PAGE2B: variants seen among roughly 807,000 people sequenced by gnomAD.
The protein encoded by PAGE2B is PAGE family member 2B.
In PAGE2B, 5 loss-of-function variants were observed where a neutral mutation model predicts 7.6. The ratio of observed to expected loss-of-function variants is 0.66; its 90% confidence interval spans 0.34 to 1.38. PAGE2B has a LOEUF of 1.38. Ranked by LOEUF, PAGE2B falls within the 40% of genes most tolerant of loss-of-function variation. The pLI is 0.04. For missense variants in PAGE2B, 70 were observed against 78.4 expected, an observed-to-expected ratio of 0.89 and a Z score of 0.41; for synonymous variants, 29 against 26.7, an observed-to-expected ratio of 1.09 and a Z score of -0.27.
chrX:55,046,861 T>C, the PAGE2B span, among the ~76,000 whole-genome samples: 3 of 112,085 alleles, frequency 2.7e-5, no homozygotes, highest in East Asian at 2.8e-4. Flanking sequence ...ATAAAGAGAA[T>C]TGAAATTAAA....
At chrX:55,029,006 G>A in the PAGE2B span, among the ~76,000 whole-genome samples, 8 of 112,010 alleles carry the variant, frequency 7.1e-5, no homozygotes, top group Non-Finnish European at 5.6e-5. Flanking sequence ...ATGTTGTGAA[G>A]ATTCAGTAAG....
At chrX:55,042,381 A>G in the PAGE2B span, among the ~76,000 whole-genome samples, 2 of 111,214 alleles carry the variant, frequency 1.8e-5, no homozygotes, top group Non-Finnish European at 3.8e-5. Context: ...AAGGAAAACT[A>G]TAAAACACTG....
the PAGE2B span, among the ~76,000 whole-genome samples, chrX:55,050,638 T>A: frequency 9.1e-6 from 1 of 110,230 alleles, no homozygotes; most frequent in African/African-American, 3.3e-5. Flanking sequence ...AACCCCTGCC[T>A]TTTTTTGTTT....
the PAGE2B span, among the ~76,000 whole-genome samples, chrX:55,030,779 GAA>G: frequency 1.4e-4 from 16 of 111,231 alleles, no homozygotes; most frequent in Non-Finnish European, 2.5e-4. Context: ...AGGAAAGACA[GAA>G]AGAGACATGG....
At chrX:55,034,906 A>G in the PAGE2B span, among the ~76,000 whole-genome samples, 1 of 110,621 alleles carries the variant, frequency 9.0e-6, no homozygotes, top group Non-Finnish European at 1.9e-5. Flanking sequence ...CAACGAAGCC[A>G]GTCTGAGTCC....
At chrX:55,043,599 T>A in the PAGE2B span, among the ~76,000 whole-genome samples, 3 of 111,329 alleles carry the variant, frequency 2.7e-5, no homozygotes, top group East Asian at 8.4e-4. Flanking sequence ...CATCACTAAT[T>A]ATCAGATAAA....
chrX:55,047,627 G>A, the PAGE2B span, among the ~76,000 whole-genome samples: 12 of 111,755 alleles, frequency 1.1e-4, no homozygotes, highest in African/African-American at 2.9e-4. Flanking sequence ...GTGTGAGATG[G>A]TATCTCATTG....
chrX:55,042,867 A>C, the PAGE2B span, among the ~76,000 whole-genome samples: 3 of 109,445 alleles, frequency 2.7e-5, no homozygotes, highest in Admixed American at 9.9e-5. Context: ...CATATGGAAC[A>C]AAAAGGAGTC....
At chrX:55,036,112 T>G in the PAGE2B span, among the ~76,000 whole-genome samples, 54 of 112,086 alleles carry the variant, frequency 4.8e-4, no homozygotes, top group East Asian at 1.9e-3. Flanking sequence ...GTCTGTTATT[T>G]GTGTATAAGA....
the PAGE2B span, among the ~76,000 whole-genome samples, chrX:55,046,517 A>G: frequency 1.8e-5 from 2 of 112,127 alleles, no homozygotes; most frequent in African/African-American, 6.5e-5. Context: ...GGGAAAAAAG[A>G]GAGGGATTGG....
the PAGE2B span, among the ~76,000 whole-genome samples, chrX:55,065,361 A>G: frequency 9.0e-6 from 1 of 111,432 alleles, no homozygotes; most frequent in East Asian, 2.8e-4. Context: ...TGATATTAAG[A>G]TAGCTACTCC....
chrX:55,039,829 G>A, the PAGE2B span, among the ~76,000 whole-genome samples: 2 of 112,061 alleles, frequency 1.8e-5, no homozygotes, highest in South Asian at 3.7e-4. Context: ...TCAGCCCGGG[G>A]CTGGCCCATG....
chrX:55,077,634 G>T (rs1403052822), intron 4 of PAGE2B, 110 bp downstream of exon 4: 1 of 1,155,684 alleles, frequency 8.7e-7, no homozygotes, highest in African/African-American at 1.8e-5. Flanking sequence ...ACGTCTGAAG[G>T]TTCTTTGAAT....
At chrX:55,040,082 G>T in the PAGE2B span, among the ~76,000 whole-genome samples, 1 of 108,810 alleles carries the variant, frequency 9.2e-6, no homozygotes, top group African/African-American at 3.4e-5. Context: ...ACCAGAGGCG[G>T]ATTTTAATCT....
chrX:55,051,477 G>A, the PAGE2B span, among the ~76,000 whole-genome samples: 1 of 111,786 alleles, frequency 8.9e-6, no homozygotes, highest in Non-Finnish European at 1.9e-5. Context: ...TTTTCACATA[G>A]TCCCATATTT....
Position 55,075,475 on chromosome X carries a change from G to C in PAGE2B, c.-9+361G>C, listed in dbSNP as rs3813926. Among the ~76,000 whole-genome samples, 332 of 111,303 alleles carry C rather than the reference G, an allele frequency of 3.0e-3. 7 individuals are homozygous for C. The East Asian group carries it at 0.067, about 23-fold the overall frequency. On this transcript the variant is annotated intron_variant, in intron 1 of 4. Coordinates refer to ENST00000374971, the MANE Select transcript of PAGE2B (RefSeq NM_001015038.3). ...CGGGAAGAGACCATGTGGTCAGTAA[G>C]GAAGGGGCCTGGGAACTGGGAACGC... is the stretch of plus-strand genomic sequence containing the variant.
chrX:55,072,010 G>A (rs1360753355), upstream of PAGE2B, among the ~76,000 whole-genome samples: 4 of 111,822 alleles, frequency 3.6e-5, no homozygotes, highest in African/African-American at 1.3e-4. Flanking sequence ...ATGCTCCTTA[G>A]CTCAGAAGAG....
chrX:55,073,728 A>G (rs985641392), upstream of PAGE2B, among the ~76,000 whole-genome samples: 3 of 111,733 alleles, frequency 2.7e-5, no homozygotes, highest in African/African-American at 9.8e-5. Flanking sequence ...TGTAGTTCTC[A>G]TAGTGGAGAT....
the PAGE2B span, among the ~76,000 whole-genome samples, chrX:55,066,532 GAAT>G: frequency 1.8e-5 from 2 of 112,026 alleles, no homozygotes. Context: ...ATTCATGCTT[GAAT>G]AATATTTTCA....
Sources: allele counts gnomAD v4.1 joint callset (sites outside exome capture counted in the v4.1 genomes callset), GRCh38; gene constraint gnomAD v4.1.1; transcripts MANE v1.5; gene names NCBI Gene and HGNC (gene_info 2026-07-23, HGNC 2026-07-21).